The following SH3KBP1 variants were observed in gnomAD, a reference collection of about 807,000 sequenced individuals.
SH3KBP1 encodes SH3 domain-containing kinase-binding protein 1.
In SH3KBP1, 8 loss-of-function variants were observed where a neutral mutation model predicts 50.1. The observed-to-expected ratio is 0.16, with a 90% CI of 0.09 to 0.29. The LOEUF is 0.29. Among genes scored for constraint, SH3KBP1 ranks in the 10% least tolerant of loss-of-function variants. SH3KBP1 has a pLI of 1.00. For synonymous variants in SH3KBP1, 227 were observed against 218.6 expected (o/e 1.04, Z -0.34); for missense variants, 377 against 535.2 (o/e 0.70, Z 2.92).
At chrX:19,833,587 T>A (rs1223678868) in intron 2 of SH3KBP1, among the ~76,000 whole-genome samples, 3 of 101,259 alleles carry the variant, frequency 3.0e-5, no homozygotes, top group Non-Finnish European at 6.0e-5. Flanking sequence ...CTTCCTAGGG[T>A]CCTCCTCCCT....
chrX:19,598,371 C>T (rs7882198), intron 9 of SH3KBP1, among the ~76,000 whole-genome samples: 2 of 111,031 alleles, frequency 1.8e-5, no homozygotes, highest in African/African-American at 6.6e-5. Context: ...AGATAACAGG[C>T]GTGAGCCACC....
chrX:19,622,028 A>G (rs181291370), intron 8 of SH3KBP1, among the ~76,000 whole-genome samples: 1 of 112,675 alleles, frequency 8.9e-6, no homozygotes, highest in Non-Finnish European at 1.9e-5. Flanking sequence ...AATCAAAACT[A>G]TTTTTAAAAG....
In SH3KBP1 at chrX:19,588,250, C is replaced by T. The variant is rs958400912; in HGVS notation, c.1298+393G>A. The T allele has an allele frequency of 4.8e-6, 4 of 829,351 alleles. No individual in the cohort carries two copies. In the African/African-American group the frequency reaches 8.3e-5, roughly 17 times the overall value. 68.3% of individuals were successfully genotyped at this position (829,351 alleles called of 1,213,427 possible). ...CAGTGAGGGTCAGGGGTCGTAGCCA[C>T]ACATGAGATATACATACTTGAGGCC... is the stretch of plus-strand genomic sequence containing the variant. On this transcript the variant is annotated intron_variant, in intron 12 of 17. Transcript: ENST00000397821.
At chrX:19,772,154 G>C (rs1212725937) in intron 2 of SH3KBP1, among the ~76,000 whole-genome samples, 1 of 111,453 alleles carries the variant, frequency 9.0e-6, no homozygotes, top group South Asian at 3.7e-4. Flanking sequence ...AAGTGGAAGA[G>C]GAAAAAGAGA....
intron 3 of SH3KBP1, among the ~76,000 whole-genome samples, chrX:19,735,156 C>T (rs760361867): frequency 1.3e-4 from 14 of 111,847 alleles, no homozygotes; most frequent in Non-Finnish European, 2.4e-4. Context: ...TAGTGATGTT[C>T]GCGCTTTAAC....
chrX:19,713,414 T>C (rs1264382798), intron 3 of SH3KBP1, among the ~76,000 whole-genome samples: 1 of 109,228 alleles, frequency 9.2e-6, no homozygotes, highest in Non-Finnish European at 1.9e-5. Context: ...CGATGTGAGC[T>C]ACCACACTGG....
chrX:19,821,057 G>T (rs769103717), intron 2 of SH3KBP1, among the ~76,000 whole-genome samples: 34 of 111,345 alleles, frequency 3.1e-4, no homozygotes, highest in Non-Finnish European at 6.2e-4. Flanking sequence ...CACACCAGAT[G>T]ATCTAATTTT....
intron 3 of SH3KBP1, among the ~76,000 whole-genome samples, chrX:19,714,821 T>C (rs1421124450): frequency 1.8e-5 from 2 of 112,468 alleles, no homozygotes; most frequent in African/African-American, 6.5e-5. Context: ...AATTTGAATA[T>C]GAACTAATTC....
chrX:19,635,526 A>T (rs1232073306), intron 7 of SH3KBP1, among the ~76,000 whole-genome samples: 10 of 107,144 alleles, frequency 9.3e-5, no homozygotes, highest in Non-Finnish European at 1.3e-4. Context: ...CTGCACGTGT[A>T]TCCCGTTTTT....
chrX:19,646,835 TGCCGCAGG>T (rs1462931147), intron 6 of SH3KBP1, among the ~76,000 whole-genome samples: 2 of 111,813 alleles, frequency 1.8e-5, no homozygotes, highest in African/African-American at 6.6e-5. Flanking sequence ...TTTTATTTAG[TGCCGCAGG>T]GCCTTCTGTA....
intron 12 of SH3KBP1, among the ~76,000 whole-genome samples, chrX:19,583,125 CATTATT>C (rs200762944): frequency 0.05 from 4,727 of 95,096 alleles, 242 homozygotes; most frequent in African/African-American, 0.14. Context: ...TGCTAATACA[CATTATT>C]ATTATTATTA....
At chrX:19,766,693 T>TGG (rs2065629374) in intron 2 of SH3KBP1, among the ~76,000 whole-genome samples, 1 of 107,573 alleles carries the variant, frequency 9.3e-6, no homozygotes, top group Non-Finnish European at 1.9e-5. Flanking sequence ...TTAGTAGAGA[T>TGG]GGGGTTTCAC....
intron 12 of SH3KBP1, among the ~76,000 whole-genome samples, chrX:19,579,103 T>TCGTG (rs977675199): frequency 1.8e-5 from 2 of 112,131 alleles, no homozygotes; most frequent in African/African-American, 6.5e-5. Context: ...TCCCTTTGCA[T>TCGTG]CGTGCGTCCT....
At chrX:19,839,925 C>G (rs1332902309) in intron 1 of SH3KBP1, among the ~76,000 whole-genome samples, 1 of 112,265 alleles carries the variant, frequency 8.9e-6, no homozygotes, top group East Asian at 2.8e-4. Flanking sequence ...TAGACCGTTC[C>G]CAGCCCAACA....
chrX:19,622,217 C>T (rs2067860335), intron 8 of SH3KBP1, among the ~76,000 whole-genome samples: 1 of 111,667 alleles, frequency 9.0e-6, no homozygotes, highest in Non-Finnish European at 1.9e-5. Context: ...TTATAAAAAT[C>T]AATTGGAAAT....
At chrX:19,633,453 C>T (rs772838216) in intron 7 of SH3KBP1, among the ~76,000 whole-genome samples, 1 of 111,632 alleles carries the variant, frequency 9.0e-6, no homozygotes, top group South Asian at 3.8e-4. Flanking sequence ...GCAAACCTCC[C>T]CAAATCTGAA....
chrX:19,584,152 AT>A (rs1424372188), intron 12 of SH3KBP1, among the ~76,000 whole-genome samples: 2 of 94,273 alleles, frequency 2.1e-5, no homozygotes, highest in Non-Finnish European at 4.1e-5. Flanking sequence ...ATATTTATAT[AT>A]AATATATTTA....
intron 1 of SH3KBP1, among the ~76,000 whole-genome samples, chrX:19,860,925 T>C (rs1468773551): frequency 8.9e-6 from 1 of 111,766 alleles, no homozygotes; most frequent in African/African-American, 3.3e-5. Context: ...TTTAGATATA[T>C]AGTATGATAG....
chrX:19,733,841 G>A (rs1024101759), intron 3 of SH3KBP1, among the ~76,000 whole-genome samples: 3 of 111,519 alleles, frequency 2.7e-5, no homozygotes, highest in Admixed American at 1.9e-4. Flanking sequence ...AAGAAAAAAT[G>A]TTCAAGCACT....
Sources: gnomAD v4.1 joint callset for allele counts (sites outside exome capture counted in the v4.1 genomes callset) on GRCh38, gnomAD v4.1.1 for gene constraint, MANE v1.5 for transcripts, NCBI Gene and HGNC (gene_info 2026-07-23, HGNC 2026-07-21) for gene names.